RB1: variants seen among roughly 807,000 people sequenced by gnomAD.
The protein encoded by RB1 is retinoblastoma-associated protein.
RB1 carries 18 observed loss-of-function variants against 135.4 expected under a neutral mutation model. That is an observed-to-expected ratio of 0.13 (90% CI 0.09 to 0.20). The LOEUF (loss-of-function observed/expected upper bound fraction) is 0.20. Among genes scored for constraint, RB1 ranks in the 10% least tolerant of loss-of-function variants. RB1 has a pLI of 1.00. For missense variants in RB1, 868 were observed against 1,110.0 expected (o/e 0.78, Z 3.10); for synonymous variants, 365 against 373.2 (o/e 0.98, Z 0.25).
At chr13:48,390,688 CT>C (rs1742813554) in intron 17 of RB1, among the ~76,000 whole-genome samples, 1 of 152,016 alleles carries the variant, frequency 6.6e-6, no homozygotes, top group Non-Finnish European at 1.5e-5. Context: ...ATGAATTTAC[CT>C]CTTTAATCAT....
chr13:48,326,591 A>G (rs1952289513), intron 2 of RB1, among the ~76,000 whole-genome samples: 2 of 152,260 alleles, frequency 1.3e-5, no homozygotes, highest in African/African-American at 4.8e-5. Context: ...ATTAAATCAT[A>G]TAAGAACTAA....
chr13:48,478,457 C>G (rs1012883430), intron 26 of RB1, among the ~76,000 whole-genome samples: 1 of 152,138 alleles, frequency 6.6e-6, no homozygotes, highest in African/African-American at 2.4e-5. Flanking sequence ...AGACAAGAGG[C>G]TCATAACCAA....
intron 19 of RB1, among the ~76,000 whole-genome samples, chr13:48,458,169 G>A (rs558401455): frequency 6.6e-6 from 1 of 152,362 alleles, no homozygotes; most frequent in African/African-American, 2.4e-5. Context: ...ACGCCTCTCT[G>A]CTGCAGCAGG....
intron 11 of RB1, among the ~76,000 whole-genome samples, chr13:48,370,161 A>G (rs1418040756): frequency 6.6e-6 from 1 of 152,168 alleles, no homozygotes; most frequent in Non-Finnish European, 1.5e-5. Flanking sequence ...CAGGATAAAG[A>G]TTTTAGGGAG....
intron 20 of RB1, among the ~76,000 whole-genome samples, chr13:48,460,988 A>G (rs1949401454): frequency 6.6e-6 from 1 of 152,108 alleles, no homozygotes; most frequent in African/African-American, 2.4e-5. Context: ...TTAAAAAAAT[A>G]TATACATATA....
chr13:48,320,079 G>A (rs1952221436), intron 2 of RB1: 1 of 607,284 alleles, frequency 1.6e-6, no homozygotes, highest in South Asian at 2.0e-5. Context: ...AGGTACTCCC[G>A]GATGGCTTCC....
At chr13:48,342,779 C>T (rs1952458697) in intron 3 of RB1, 65 bp downstream of exon 3, 2 of 1,148,636 alleles carry the variant, frequency 1.7e-6, no homozygotes, top group Non-Finnish European at 2.6e-6. Flanking sequence ...ATTTTCCTCT[C>T]AATAGACTTT....
intron 17 of RB1, among the ~76,000 whole-genome samples, chr13:48,418,709 C>CAAAA (rs1217781825): frequency 9.1e-6 from 1 of 109,924 alleles, no homozygotes; most frequent in Non-Finnish European, 2.0e-5. Context: ...AAATGGAAAG[C>CAAAA]AAAAAAAAAA....
intron 24 of RB1, among the ~76,000 whole-genome samples, chr13:48,473,928 A>G (rs1266529501): frequency 6.6e-6 from 1 of 152,180 alleles, no homozygotes; most frequent in Non-Finnish European, 1.5e-5. Context: ...GGGTTCCGAT[A>G]GTGCCTCTTC....
chr13:48,459,363 A>C (rs972177744), intron 19 of RB1, among the ~76,000 whole-genome samples: 4 of 152,192 alleles, frequency 2.6e-5, no homozygotes, highest in Non-Finnish European at 5.9e-5. Flanking sequence ...ATAAAAACTC[A>C]AAAGGACCTG....
intron 12 of RB1, 39 bp from the exon 13 acceptor site, chr13:48,376,879 A>G: frequency 6.2e-7 from 1 of 1,611,858 alleles, no homozygotes; most frequent in Non-Finnish European, 8.5e-7. Context: ...CTGATTACAC[A>G]GTATCCTCGA....
At chr13:48,362,578 G>A (rs569207607) in intron 7 of RB1, among the ~76,000 whole-genome samples, 1 of 152,204 alleles carries the variant, frequency 6.6e-6, no homozygotes, top group Non-Finnish European at 1.5e-5. Flanking sequence ...ATTTGTTTAT[G>A]AGACTGTAGT....
chr13:48,341,934 G>A (rs1952446001), intron 2 of RB1, among the ~76,000 whole-genome samples: 1 of 151,864 alleles, frequency 6.6e-6, no homozygotes, highest in Admixed American at 6.6e-5. Context: ...TTTAGGGGTG[G>A]TATATATTGT....
chr13:48,418,341 T>G (rs969039184), intron 17 of RB1, among the ~76,000 whole-genome samples: 3 of 152,164 alleles, frequency 2.0e-5, no homozygotes, highest in Non-Finnish European at 4.4e-5. Flanking sequence ...TGAGAGATTT[T>G]GTCACCACCA....
In RB1 at chr13:48,459,760, A is replaced by T. The variant is rs201046651; in HGVS notation, c.2033A>T (p.His678Leu). ...CTGTCTGAGCACCCAGAATTAGAAC[A>T]TATCATCTGGACCCTTTTCCAGCAC... Reference protein sequence around the residue: ...RLLSEHPELEHIIWTLFQHTL... With the variant: ...RLLSEHPELELIIWTLFQHTL... Residue 678 changes from histidine to leucine, a missense_variant, in exon 20 of 27, where the codon CAT (histidine) becomes CTT (leucine). Around this residue, in one of 3 missense-constraint regions of RB1, gnomAD observed 31 missense variants for 78.9 expected, o/e 0.39. Coordinates refer to ENST00000267163, the MANE Select transcript of RB1 (RefSeq NM_000321.3). The T allele has an allele frequency of 6.2e-7, 1 of 1,613,830 alleles. No homozygotes were observed. Among genetic ancestry groups the T allele is most frequent in the East Asian group, 2.2e-5 (1 of 44,866 alleles).
intron 12 of RB1, among the ~76,000 whole-genome samples, chr13:48,374,752 A>G (rs1952801279): frequency 6.6e-6 from 1 of 152,198 alleles, no homozygotes; most frequent in Admixed American, 6.5e-5. Context: ...TGGAGTATGT[A>G]GGAGTTCTTT....
intron 17 of RB1, among the ~76,000 whole-genome samples, chr13:48,429,866 A>T (rs1360708927): frequency 6.6e-6 from 1 of 152,206 alleles, no homozygotes; most frequent in Non-Finnish European, 1.5e-5. Flanking sequence ...AAAGTGCAGG[A>T]TGTAGATGAA....
chr13:48,354,955 A>G (rs1695457472), intron 6 of RB1, among the ~76,000 whole-genome samples: 1 of 152,174 alleles, frequency 6.6e-6, no homozygotes, highest in African/African-American at 2.4e-5. Context: ...ACCTTAAACT[A>G]TGAAACTGCT....
chr13:48,306,413 A>G (rs1225609840), intron 1 of RB1, among the ~76,000 whole-genome samples: 1 of 151,202 alleles, frequency 6.6e-6, no homozygotes, highest in East Asian at 1.9e-4. Context: ...TCAAAACAAG[A>G]AAAAAAAACA....
Sources: allele counts gnomAD v4.1 joint callset (sites outside exome capture counted in the v4.1 genomes callset), GRCh38; gene constraint gnomAD v4.1.1; regional missense constraint gnomAD v4.1.1; transcripts MANE v1.5; gene names NCBI Gene and HGNC (gene_info 2026-07-23, HGNC 2026-07-21).